The following SLC12A2 variants were observed in gnomAD, a reference collection of about 807,000 sequenced individuals.
SLC12A2 encodes Na-K-2Cl cotransporter 1.
Under a neutral mutation model 136.3 loss-of-function variants are expected in SLC12A2, and 67 were observed. The observed-to-expected ratio is 0.49, with a 90% confidence interval of 0.40 to 0.60. The LOEUF (loss-of-function observed/expected upper bound fraction) is 0.60, where lower values mean the gene tolerates loss of function less well. SLC12A2 is among the 20% of genes least tolerant of loss of function. SLC12A2 has a pLI of 0.00. For missense variants in SLC12A2, 1,322 were observed against 1,534.7 expected, an observed-to-expected ratio of 0.86 and a Z score of 2.32; for synonymous variants, 619 against 562.9, an observed-to-expected ratio of 1.10 and a Z score of -1.41.
intron 23 of SLC12A2, among the ~76,000 whole-genome samples, chr5:128,182,600 T>G (rs954320113): frequency 6.6e-6 from 1 of 152,158 alleles, no homozygotes; most frequent in Admixed American, 6.5e-5. Flanking sequence ...AATTTTATTA[T>G]TAATGTCTTT....
intron 4 of SLC12A2, among the ~76,000 whole-genome samples, chr5:128,123,945 G>A (rs1047139026): frequency 1.3e-5 from 2 of 152,144 alleles, no homozygotes; most frequent in Non-Finnish European, 2.9e-5. Context: ...ATTACCATTT[G>A]TAGCTAGCTT....
At chr5:128,120,830 G>A (rs1042794118) in intron 4 of SLC12A2, among the ~76,000 whole-genome samples, 1 of 151,928 alleles carries the variant, frequency 6.6e-6, no homozygotes, top group East Asian at 1.9e-4. Context: ...TGCACATTGT[G>A]CACATGTACC....
intron 4 of SLC12A2, among the ~76,000 whole-genome samples, chr5:128,126,967 T>TATA (rs1491322749): frequency 5.1e-4 from 15 of 29,632 alleles, no homozygotes; most frequent in African/African-American, 2.5e-3. Context: ...TATATATATA[T>TATA]TTTTTTTTTT....
chr5:128,131,657 C>T (rs191052876), intron 5 of SLC12A2, among the ~76,000 whole-genome samples: 7 of 151,162 alleles, frequency 4.6e-5, no homozygotes, highest in South Asian at 2.1e-4. Context: ...TGAACTGAGA[C>T]GGCACCACTG....
chr5:128,167,226 C>G (rs941706769), intron 17 of SLC12A2, among the ~76,000 whole-genome samples: 1 of 152,018 alleles, frequency 6.6e-6, no homozygotes, highest in Non-Finnish European at 1.5e-5. Flanking sequence ...GTTAAACATA[C>G]TGAGTTGCAA....
chr5:128,098,780 C>T (rs965764283), intron 1 of SLC12A2, among the ~76,000 whole-genome samples: 2 of 152,022 alleles, frequency 1.3e-5, no homozygotes, highest in Admixed American at 1.3e-4. Flanking sequence ...TTTAGGTTGG[C>T]CCCTGGGGAG....
intron 1 of SLC12A2, among the ~76,000 whole-genome samples, chr5:128,093,491 A>C (rs1161322082): frequency 1.3e-5 from 2 of 151,960 alleles, no homozygotes; most frequent in African/African-American, 4.8e-5. Flanking sequence ...CAAACTTAGT[A>C]TTTCTTCCCA....
chr5:128,126,964 ATATTTTTTTT>A (rs1408899240), intron 4 of SLC12A2, among the ~76,000 whole-genome samples: 4 of 21,686 alleles, frequency 1.8e-4, no homozygotes, highest in Non-Finnish European at 2.9e-4. Flanking sequence ...ATATATATAT[ATATTTTTTTT>A]TTTTTTTTTT....
At position 128,182,868 on chromosome 5, in the gene SLC12A2, C is replaced by T; in HGVS notation, c.3226C>T (p.Leu1076Phe). ...TTTTTGTTGTAGGATGGCTACTTTGCTTAGCAAGTTCCGGATAGACTTTTC... is the reference window on the plus strand; with the variant it reads ...TTTTTGTTGTAGGATGGCTACTTTGTTTAGCAAGTTCCGGATAGACTTTTC... The part of the protein sequence containing the change: ...DHDRRAMATL[L>F]SKFRIDFSDI... Residue 1076 changes from leucine to phenylalanine, a missense_variant, in exon 24 of 27, where the codon CTT (leucine) becomes TTT (phenylalanine). Around this residue, in one of 8 missense-constraint regions of SLC12A2, gnomAD observed 172 missense variants for 227.4 expected, o/e 0.76. Coordinates refer to ENST00000262461, the MANE Select transcript of SLC12A2 (RefSeq NM_001046.3). The T allele has an allele frequency of 6.2e-7, 1 of 1,610,396 alleles. No homozygotes were observed. Among genetic ancestry groups the T allele is most frequent in the Non-Finnish European group, 8.5e-7 (1 of 1,177,522 alleles).
At chr5:128,089,393 T>A in intron 1 of SLC12A2, among the ~76,000 whole-genome samples, 1 of 152,168 alleles carries the variant, frequency 6.6e-6, no homozygotes, top group African/African-American at 2.4e-5. Context: ...AGCAAGACCC[T>A]GTCTAAAAAA....
At chr5:128,132,106 G>A (rs575895221) in intron 5 of SLC12A2, among the ~76,000 whole-genome samples, 1 of 152,252 alleles carries the variant, frequency 6.6e-6, no homozygotes, top group East Asian at 1.9e-4. Flanking sequence ...CAGGAGAAGG[G>A]TCTTATTTCC....
intron 21 of SLC12A2, 49 bp downstream of exon 21, chr5:128,177,201 C>T (rs1351135619): frequency 7.7e-7 from 1 of 1,294,348 alleles, no homozygotes; most frequent in South Asian, 1.3e-5. Context: ...ATACTGTAAA[C>T]TCTTTAACTC....
At chr5:128,088,007 C>CTGTGTGTGTGTG (rs58191870) in intron 1 of SLC12A2, among the ~76,000 whole-genome samples, 11,835 of 140,182 alleles carry the variant, frequency 0.084, 639 homozygotes, top group Middle Eastern at 0.1. Flanking sequence ...GGAGGAGGCT[C>CTGTGTGTGTGTG]TGTGTGTGTG....
At chr5:128,127,161 A>T (rs1365749271) in intron 4 of SLC12A2, among the ~76,000 whole-genome samples, 1 of 111,418 alleles carries the variant, frequency 9.0e-6, no homozygotes, top group Non-Finnish European at 1.7e-5. Context: ...TTGCTCTGTC[A>T]CCCAGGCTGG....
intron 1 of SLC12A2, chr5:128,110,668 C>G: frequency 7.8e-7 from 1 of 1,287,510 alleles, no homozygotes; most frequent in Admixed American, 1.7e-5. Context: ...ACTCCGTCTA[C>G]TATGAACATT....
intron 26 of SLC12A2, among the ~76,000 whole-genome samples, chr5:128,186,218 AG>A (rs1763863785): frequency 6.6e-6 from 1 of 152,140 alleles, no homozygotes; most frequent in Non-Finnish European, 1.5e-5. Flanking sequence ...GATGTGTAGT[AG>A]GCTATACCAT....
At chr5:128,167,715 G>T in intron 17 of SLC12A2, 46 bp from the exon 18 acceptor site, 1 of 1,351,084 alleles carries the variant, frequency 7.4e-7, no homozygotes, top group East Asian at 2.3e-5. Flanking sequence ...AAAACATTTT[G>T]TTGAAAATAA....
intron 9 of SLC12A2, among the ~76,000 whole-genome samples, chr5:128,140,970 A>C (rs1156534597): frequency 6.7e-6 from 1 of 149,970 alleles, no homozygotes; most frequent in Non-Finnish European, 1.5e-5. Context: ...GCTGTCATGC[A>C]TGTAATTTTT....
chr5:128,138,891 G>C lies in SLC12A2; in HGVS notation c.1604G>C (p.Gly535Ala). ...TTAATTACTACATTGGTTTACGTAG[G>C]AATTGCAGTATCTGTAGGTAAATAG... The part of the protein sequence containing the change: ...AILITTLVYV[G>A]IAVSVGSCVV... Residue 535 changes from glycine to alanine, a missense_variant, in exon 9 of 27, where the codon GGA becomes GCA. Physicochemically the swap from Gly to Ala is moderately conservative, Grantham distance 60 (BLOSUM62 0). This residue lies in a region of SLC12A2 where 294 missense variants were observed against 436.6 expected (regional missense o/e 0.67). Transcript: ENST00000262461. The C allele has an allele frequency of 1.2e-6, 2 of 1,610,694 alleles. No individual in the cohort carries two copies. The highest frequency in any genetic ancestry group is 1.7e-6 in the Non-Finnish European group (2 of 1,177,364).
Sources: gnomAD v4.1 joint callset for allele counts (sites outside exome capture counted in the v4.1 genomes callset) on GRCh38, gnomAD v4.1.1 for gene constraint, gnomAD v4.1.1 regional missense constraint, MANE v1.5 for transcripts, NCBI Gene and HGNC (gene_info 2026-07-23, HGNC 2026-07-21) for gene names.